KBTBD8: variants seen among roughly 807,000 people sequenced by gnomAD.
The protein encoded by KBTBD8 is kelch repeat and BTB domain-containing protein 8.
Under a neutral mutation model 53.5 loss-of-function variants are expected in KBTBD8, and 31 were observed. The ratio of observed to expected loss-of-function variants is 0.58; its 90% CI spans 0.44 to 0.78. The LOEUF is 0.78. KBTBD8 is among the 30% of genes least tolerant of loss of function. The pLI, the probability that KBTBD8 is intolerant of heterozygous loss-of-function variation, is 0.00. For missense variants in KBTBD8, 642 were observed against 735.8 expected (o/e 0.87, Z 1.48); for synonymous variants, 250 against 247.3 (o/e 1.01, Z -0.10).
chr3:66,998,675 T>C (rs1260126022), intron 1 of KBTBD8, among the ~76,000 whole-genome samples: 1 of 151,964 alleles, frequency 6.6e-6, no homozygotes, highest in Non-Finnish European at 1.5e-5. Flanking sequence ...CCCTCGGCTC[T>C]CGGCGGAGTC....
At position 67,008,075 on chromosome 3, in the gene KBTBD8, T is replaced by A; in HGVS notation, c.1496T>A (p.Val499Glu). Residue 499 changes from valine (V) to glutamate (E), a missense_variant, in exon 4 of 4, where the codon GTA becomes GAA. Physicochemically the swap from Val to Glu is moderately radical, Grantham distance 121. Transcript: ENST00000417314. ...TCGNHQRMFT[V>E]EAYDIELNKW... ...GGAAATCATCAACGTATGTTTACTG[T>A]AGAAGCCTATGATATTGAGCTAAAT... is the stretch of plus-strand genomic sequence containing the variant. 6.2e-7 allele frequency: 1 copy of A among 1,614,150 alleles called. No individual in the cohort carries two copies. The highest frequency in any genetic ancestry group is 8.5e-7 in the Non-Finnish European group (1 of 1,180,004).
Position 67,003,834 on chromosome 3 carries a change from A to G in KBTBD8, c.867A>G (p.Ile289Met), listed in dbSNP as rs1000194199. 1 of 1,614,210 alleles carries G rather than the reference A, an allele frequency of 6.2e-7. No homozygotes were observed. Among genetic ancestry groups the G allele is most frequent in the Non-Finnish European group, 8.5e-7 (1 of 1,180,038 alleles). ...GAATGACTGCTTCTGAAATGATCAT[A>G]TGTTTTGATGCTGCCCACAAACACT... ...RLGMTASEMI[I>M]CFDAAHKHSG... Residue 289 changes from isoleucine to methionine, a missense_variant, in exon 3 of 4, where the codon ATA (isoleucine) becomes ATG (methionine). By Grantham distance (10) the Ile-to-Met change is conservative. Coordinates refer to ENST00000417314, the MANE Select transcript of KBTBD8 (RefSeq NM_032505.3).
rs1437824446 is a variant in KBTBD8, at chr3:67,009,366, C to G, written c.*981C>G. The G allele has an allele frequency of 6.6e-6, 1 of 152,602 alleles. No individual in the cohort carries two copies. Among genetic ancestry groups the G allele is most frequent in the Admixed American group, 6.5e-5 (1 of 15,274 alleles). The allele number at this position is 152,602 out of a possible 1,614,324, so 9.5% of individuals were successfully genotyped here. On this transcript the variant is annotated 3_prime_UTR_variant, in exon 4 of 4. Transcript: ENST00000417314. ...GTAGCCCAACCTTCTCTTCCATCTA[C>G]CTGTCCATTCATTATTGGTACAAGG...
chr3:67,008,996 TTAAGC>T lies in KBTBD8; in HGVS notation c.*615_*619del, dbSNP rs1189377969. On this transcript the variant is annotated 3_prime_UTR_variant, in exon 4 of 4. Transcript: ENST00000417314. ...TTTCCATTTCCCATGTAATTTTAAG[TTAAGC>T]TAAAGTTTTAAAGTGGCAGTTTTCT... 7 of 152,672 alleles carry T rather than the reference TTAAGC, an allele frequency of 4.6e-5. No individual in the cohort carries two copies. The highest frequency in any genetic ancestry group is 1.7e-4 in the African/African-American group (7 of 41,464). The allele number at this position is 152,672 out of a possible 1,614,324, so 9.5% of individuals were successfully genotyped here.
chr3:67,000,845 TATA>T (rs1433937892), intron 2 of KBTBD8, among the ~76,000 whole-genome samples: 1 of 151,934 alleles, frequency 6.6e-6, no homozygotes, highest in Non-Finnish European at 1.5e-5. Context: ...ACTTATTAAG[TATA>T]ATACTTAGTA....
At chr3:67,001,548 G>A (rs1702018960) in intron 2 of KBTBD8, among the ~76,000 whole-genome samples, 1 of 152,160 alleles carries the variant, frequency 6.6e-6, no homozygotes, top group South Asian at 2.1e-4. Context: ...CCATGATAAA[G>A]GGATATGTGG....
At chr3:67,005,682 CTT>C (rs1342996688) in intron 3 of KBTBD8, among the ~76,000 whole-genome samples, 3 of 144,082 alleles carry the variant, frequency 2.1e-5, no homozygotes, top group South Asian at 2.2e-4. Flanking sequence ...CTTTCTTTCT[CTT>C]TTTTTTTTTG....
Position 67,004,298 on chromosome 3 carries a change from A to G in KBTBD8, c.1331A>G (p.Tyr444Cys), listed in dbSNP as rs778451494. 35 of 1,612,880 alleles carry G rather than the reference A, an allele frequency of 2.2e-5. No homozygotes were observed. Among genetic ancestry groups the G allele is most frequent in the South Asian group, 3.3e-5 (3 of 91,072 alleles). Residue 444 changes from tyrosine to cysteine, a missense_variant, in exon 3 of 4, where the codon TAT (tyrosine) becomes TGT (cysteine). Tyr to Cys is a radical substitution (Grantham distance 194). Transcript: ENST00000417314. ...GCTGTGGAGTACAAAGAGAAGATCT[A>G]TGTTTTACAGGGTAGGTGCCTAAGT... Reference protein sequence around the residue: ...HNAVEYKEKIYVLQGEFFLFY... With the variant: ...HNAVEYKEKICVLQGEFFLFY...
Position 67,003,961 on chromosome 3 carries a change from T to A in KBTBD8, c.994T>A (p.Ser332Thr). 2 of 1,614,130 alleles carry A rather than the reference T, an allele frequency of 1.2e-6. No homozygotes were observed. The highest frequency in any genetic ancestry group is 1.7e-6 in the Non-Finnish European group (2 of 1,180,024). ...NDLREVGILV[S>T]PDNDIYIAGG... ...CCTGAGAGAAGTTGGGATTCTTGTA[T>A]CACCAGATAATGACATTTACATTGC... The change falls in exon 3 of 4, where the codon TCA (serine) becomes ACA (threonine). Residue 332 changes from serine to threonine, a missense_variant. Coordinates refer to ENST00000417314, the MANE Select transcript of KBTBD8 (RefSeq NM_032505.3).
Position 67,004,111 on chromosome 3 carries a change from G to A in KBTBD8, c.1144G>A (p.Gly382Ser). 1 of 1,614,160 alleles carries A rather than the reference G, an allele frequency of 6.2e-7. No homozygotes were observed. Among genetic ancestry groups the A allele is most frequent in the Non-Finnish European group, 8.5e-7 (1 of 1,180,022 alleles). ...ACCATCCTTGCTTCGAGCCAGAATA[G>A]GCTGCAAACTTGTCTATTGCTGTGG... Reference protein sequence around the residue: ...SKPSLLRARIGCKLVYCCGKM... With the variant: ...SKPSLLRARISCKLVYCCGKM... Residue 382 changes from glycine to serine, a missense_variant, in exon 3 of 4, where the codon GGC becomes AGC. Transcript: ENST00000417314.
intron 2 of KBTBD8, among the ~76,000 whole-genome samples, chr3:67,000,693 G>A (rs1018368712): frequency 1.3e-5 from 2 of 151,812 alleles, no homozygotes; most frequent in African/African-American, 2.4e-5. Context: ...CATTTTTATT[G>A]TATATTGCAT....
rs769018596 is a variant in KBTBD8, at chr3:67,003,228, T to G, written c.261T>G (p.Thr87=). 6 of 1,613,730 alleles carry G rather than the reference T, an allele frequency of 3.7e-6. No individual in the cohort carries two copies. Among genetic ancestry groups the G allele is most frequent in the Non-Finnish European group, 5.1e-6 (6 of 1,179,716 alleles). Reference sequence around the variant, plus strand: ...TCACTAGCGGCCTTACAGAAAGTACTCAAAAAGAAGTTCGAATAGTTGGTG... The same window carrying G: ...TCACTAGCGGCCTTACAGAAAGTACGCAAAAAGAAGTTCGAATAGTTGGTG... The part of the protein sequence containing the change: ...SMFTSGLTES[T]QKEVRIVGVE... The change falls in exon 3 of 4, where the codon ACT becomes ACG. Residue 87 remains threonine, a synonymous_variant. Coordinates refer to ENST00000417314, the MANE Select transcript of KBTBD8 (RefSeq NM_032505.3).
At chr3:66,998,659 G>A (rs1185606121) in intron 1 of KBTBD8, among the ~76,000 whole-genome samples, 1 of 152,120 alleles carries the variant, frequency 6.6e-6, no homozygotes, top group East Asian at 1.9e-4. Context: ...CCCTCGTGAG[G>A]CTCTGCCCTC....
At position 66,998,343 on chromosome 3, in the gene KBTBD8, G is replaced by A. The variant is rs1190302614; in HGVS notation, c.-13G>A. 2.3e-6 allele frequency: 3 copies of A among 1,297,400 alleles called. No individual in the cohort carries two copies. Among genetic ancestry groups the A allele is most frequent in the Non-Finnish European group, 3.0e-6 (3 of 1,014,778 alleles). The allele number at this position is 1,297,400 out of a possible 1,614,324, so 80.4% of individuals were successfully genotyped here. ...TCCTTTTTAAATAGCTGGAGTCGGGGCCCCATCGAGAAATGGCCGCGTCGG... is the reference window on the plus strand; with the variant it reads ...TCCTTTTTAAATAGCTGGAGTCGGGACCCCATCGAGAAATGGCCGCGTCGG... On this transcript the variant is annotated 5_prime_UTR_variant, in exon 1 of 4. Transcript: ENST00000417314.
intron 1 of KBTBD8, 133 bp from the exon 2 acceptor site, chr3:66,998,848 C>T: frequency 2.9e-6 from 2 of 696,130 alleles, no homozygotes; most frequent in African/African-American, 1.8e-5. Flanking sequence ...CGAGGTCGTG[C>T]GTATATCCAC....
chr3:67,004,088 C>A lies in KBTBD8; in HGVS notation c.1121C>A (p.Pro374Gln). The change falls in exon 3 of 4, where the codon CCA becomes CAA. Residue 374 changes from proline to glutamine, a missense_variant. Transcript: ENST00000417314. ...DHSTNRWLSK[P>Q]SLLRARIGCK... ...TCCACCAATAGATGGCTATCCAAAC[C>A]ATCCTTGCTTCGAGCCAGAATAGGC... 6.2e-7 allele frequency: 1 copy of A among 1,614,154 alleles called. No homozygotes were observed. The highest frequency in any genetic ancestry group is 8.5e-7 in the Non-Finnish European group (1 of 1,180,030).
Position 66,998,964 on chromosome 3 carries a change from G to C in KBTBD8, c.17-17G>C, listed in dbSNP as rs984356759. On this transcript the variant is annotated splice_polypyrimidine_tract_variant and intron_variant, in intron 1 of 3. Coordinates refer to ENST00000417314, the MANE Select transcript of KBTBD8 (RefSeq NM_032505.3). The stretch of plus-strand genomic sequence containing the variant: ...GGCTCGGCACTTCTTGTAGTTGTAC[G>C]ATTTTTCTCCTCCTAGATTTAAGTA... 1.3e-6 allele frequency: 2 copies of C among 1,566,710 alleles called. No individual in the cohort carries two copies. The highest frequency in any genetic ancestry group is 2.7e-5 in the African/African-American group (2 of 73,700).
At chr3:67,005,898 TCCA>T (rs1702061161) in intron 3 of KBTBD8, among the ~76,000 whole-genome samples, 1 of 152,140 alleles carries the variant, frequency 6.6e-6, no homozygotes, top group Non-Finnish European at 1.5e-5. Flanking sequence ...CCTGCAGTGA[TCCA>T]CCCACCTTGG....
chr3:67,008,404 T>C lies in KBTBD8; in HGVS notation c.*19T>C. The stretch of plus-strand genomic sequence containing the variant: ...ACTCTAAATGAGTAGCAGGCCTTAG[T>C]GCATCACTGGCATCTCATTCTTAGG... On this transcript the variant is annotated 3_prime_UTR_variant, in exon 4 of 4. Coordinates refer to ENST00000417314, the MANE Select transcript of KBTBD8 (RefSeq NM_032505.3). 1.3e-6 allele frequency: 2 copies of C among 1,491,152 alleles called. No homozygotes were observed. Among genetic ancestry groups the C allele is most frequent in the East Asian group, 2.3e-5 (1 of 43,950 alleles). The allele number at this position is 1,491,152 out of a possible 1,614,324, so 92.4% of individuals were successfully genotyped here. A position where few individuals can be genotyped will look rare whatever the true frequency, so the allele number is the denominator to read the frequency against.
Sources: gnomAD v4.1 joint callset for allele counts (sites outside exome capture counted in the v4.1 genomes callset) on GRCh38, gnomAD v4.1.1 for gene constraint, MANE v1.5 for transcripts, NCBI Gene and HGNC (gene_info 2026-07-23, HGNC 2026-07-21) for gene names.